Variants in NELL1 observed in about 807,000 individuals in gnomAD.
The protein encoded by NELL1 is neural EGFL like 1.
Under a neutral mutation model 107.4 loss-of-function variants are expected in NELL1, and 76 were observed. That is an observed-to-expected ratio of 0.71 (90% confidence interval 0.59 to 0.86). The LOEUF is 0.86. NELL1 is among the 40% of genes least tolerant of loss of function. The pLI, the probability that NELL1 is intolerant of heterozygous loss-of-function variation, is 0.00. For missense variants in NELL1, 1,024 were observed against 1,005.5 expected (o/e 1.02, Z -0.25); for synonymous variants, 353 against 341.2 (o/e 1.03, Z -0.38).
At chr11:21,333,527 G>A (rs1232504713) in intron 14 of NELL1, among the ~76,000 whole-genome samples, 1 of 152,038 alleles carries the variant, frequency 6.6e-6, no homozygotes, top group African/African-American at 2.4e-5. Context: ...TGTGGATTAT[G>A]TGCTTTCAAA....
At chr11:21,287,273 C>A (rs550688851) in intron 14 of NELL1, among the ~76,000 whole-genome samples, 2 of 152,170 alleles carry the variant, frequency 1.3e-5, no homozygotes, top group South Asian at 4.1e-4. Context: ...CTTTTCTTAT[C>A]ATTGGTAACT....
intron 15 of NELL1, among the ~76,000 whole-genome samples, chr11:21,491,902 A>C (rs1478891376): frequency 6.6e-6 from 1 of 152,014 alleles, no homozygotes; most frequent in Non-Finnish European, 1.5e-5. Flanking sequence ...TCTCCCTGAA[A>C]AGGTCCTTCA....
At chr11:21,175,855 T>A (rs1425365441) in intron 13 of NELL1, among the ~76,000 whole-genome samples, 2 of 151,924 alleles carry the variant, frequency 1.3e-5, no homozygotes, top group Non-Finnish European at 2.9e-5. Context: ...TGAGGCTTTG[T>A]GCCGTCCAAT....
At chr11:21,561,545 A>C (rs1856850895) in intron 17 of NELL1, among the ~76,000 whole-genome samples, 1 of 152,110 alleles carries the variant, frequency 6.6e-6, no homozygotes, top group African/African-American at 2.4e-5. Context: ...TCCATGGGAT[A>C]AAGTAACTTG....
chr11:21,016,740 C>G (rs1036750607), intron 12 of NELL1, among the ~76,000 whole-genome samples: 1 of 152,106 alleles, frequency 6.6e-6, no homozygotes, highest in Admixed American at 6.5e-5. Context: ...CTTCAGGCCA[C>G]ATCTCTACTT....
chr11:20,938,810 T>C (rs1228209129), intron 10 of NELL1, among the ~76,000 whole-genome samples: 2 of 152,110 alleles, frequency 1.3e-5, no homozygotes, highest in Non-Finnish European at 2.9e-5. Flanking sequence ...TGATGAGAGA[T>C]GAACCTGGAC....
chr11:21,288,012 GGGAAGGAAAGAA>G (rs1336009773), intron 14 of NELL1, among the ~76,000 whole-genome samples: 2 of 139,608 alleles, frequency 1.4e-5, no homozygotes, highest in Non-Finnish European at 3.1e-5. Flanking sequence ...AAAGAAATAA[GGGAAGGAAAGAA>G]GGAAGGAAAG....
At chr11:20,751,023 ATGTGTGTGTGTGTGTGTT>A (rs1411467344) in intron 2 of NELL1, among the ~76,000 whole-genome samples, 1 of 142,412 alleles carries the variant, frequency 7.0e-6, no homozygotes, top group Non-Finnish European at 1.5e-5. Context: ...TTATTTGTCT[ATGTGTGTGTGTGTGTGTT>A]TGTGTGTGTG....
intron 15 of NELL1, among the ~76,000 whole-genome samples, chr11:21,372,632 T>C (rs556825009): frequency 6.6e-6 from 1 of 152,000 alleles, no homozygotes; most frequent in Admixed American, 6.6e-5. Flanking sequence ...ACTAGATGGA[T>C]TTTTTATTAA....
At chr11:21,228,181 A>G (rs567908058) in intron 13 of NELL1, among the ~76,000 whole-genome samples, 2 of 152,278 alleles carry the variant, frequency 1.3e-5, no homozygotes, top group African/African-American at 4.8e-5. Context: ...AAGGATATAA[A>G]CTTTGCCATA....
At chr11:20,922,662 G>C (rs1850404973) in intron 7 of NELL1, among the ~76,000 whole-genome samples, 1 of 152,040 alleles carries the variant, frequency 6.6e-6, no homozygotes, top group Non-Finnish European at 1.5e-5. Context: ...GATTTGAGTT[G>C]TCCAGCAGTT....
chr11:20,923,722 A>G (rs1850430289), intron 7 of NELL1, among the ~76,000 whole-genome samples: 1 of 152,216 alleles, frequency 6.6e-6, no homozygotes, highest in African/African-American at 2.4e-5. Context: ...TGACAAATCT[A>G]TGTATGCAAA....
At chr11:20,681,577 T>G (rs1386691828) in intron 2 of NELL1, among the ~76,000 whole-genome samples, 2 of 152,132 alleles carry the variant, frequency 1.3e-5, no homozygotes, top group Admixed American at 6.6e-5. Flanking sequence ...CTCTTCCACA[T>G]TTTTAGGTAT....
At chr11:21,440,214 T>C (rs1054386668) in intron 15 of NELL1, among the ~76,000 whole-genome samples, 1 of 152,096 alleles carries the variant, frequency 6.6e-6, no homozygotes, top group Non-Finnish European at 1.5e-5. Flanking sequence ...AGGCACTAAC[T>C]GAGTAAAGAA....
At chr11:21,245,781 G>A (rs1858474525) in intron 14 of NELL1, among the ~76,000 whole-genome samples, 1 of 152,104 alleles carries the variant, frequency 6.6e-6, no homozygotes, top group South Asian at 2.1e-4. Context: ...TGACTGCTTG[G>A]CACATAGTAG....
At chr11:21,095,070 T>TTAGA (rs1854609096) in intron 12 of NELL1, among the ~76,000 whole-genome samples, 1 of 152,200 alleles carries the variant, frequency 6.6e-6, no homozygotes, top group Admixed American at 6.5e-5. Flanking sequence ...CCAAGTCACC[T>TTAGA]CTTGAATGCT....
chr11:20,794,739 CAG>C (rs1234068122), intron 3 of NELL1, among the ~76,000 whole-genome samples: 3 of 152,162 alleles, frequency 2.0e-5, no homozygotes, highest in Non-Finnish European at 4.4e-5. Context: ...TGAGGGGAGA[CAG>C]GGTGCTGAGG....
chr11:21,087,491 A>T (rs1173126011), intron 12 of NELL1, among the ~76,000 whole-genome samples: 1 of 152,196 alleles, frequency 6.6e-6, no homozygotes, highest in Non-Finnish European at 1.5e-5. Flanking sequence ...TATCATACTG[A>T]CAAATATTAT....
At chr11:21,295,254 C>T (rs1338167077) in intron 14 of NELL1, among the ~76,000 whole-genome samples, 1 of 151,986 alleles carries the variant, frequency 6.6e-6, no homozygotes, top group Non-Finnish European at 1.5e-5. Flanking sequence ...CAGCCCAGGG[C>T]ACTGGAGTAT....
Sources: allele counts gnomAD v4.1 joint callset (sites outside exome capture counted in the v4.1 genomes callset), GRCh38; gene constraint gnomAD v4.1.1; transcripts MANE v1.5; gene names NCBI Gene and HGNC (gene_info 2026-07-23, HGNC 2026-07-21).